Variants in MAP3K2 observed in about 807,000 individuals in gnomAD.
MAP3K2 encodes MAP/ERK kinase kinase 2.
A neutral mutation model predicts 80.3 loss-of-function variants in MAP3K2; 24 were observed. The ratio of observed to expected loss-of-function variants is 0.30; its 90% confidence interval spans 0.22 to 0.42. The LOEUF (loss-of-function observed/expected upper bound fraction) is 0.42, where lower values mean the gene tolerates loss of function less well. Ranked by LOEUF, MAP3K2 falls within the 10% of genes least tolerant of loss-of-function variation. The pLI is 1.00. For synonymous variants in MAP3K2, 244 were observed against 253.7 expected (o/e 0.96, Z 0.36); for missense variants, 608 against 750.1 (o/e 0.81, Z 2.21).
At chr2:127,359,738 TAA>T (rs1292358661) in intron 1 of MAP3K2, among the ~76,000 whole-genome samples, 3 of 152,090 alleles carry the variant, frequency 2.0e-5, no homozygotes, top group African/African-American at 7.2e-5. Context: ...TCTGGACGTT[TAA>T]AAGTGTGCGG....
intron 1 of MAP3K2, among the ~76,000 whole-genome samples, chr2:127,374,977 T>C (rs536575901): frequency 6.6e-6 from 1 of 152,332 alleles, no homozygotes. Flanking sequence ...ACAAGCCTTA[T>C]TTACCCTTAA....
intron 1 of MAP3K2, among the ~76,000 whole-genome samples, chr2:127,353,470 C>A (rs879890332): frequency 5.5e-4 from 84 of 152,028 alleles, no homozygotes; most frequent in Non-Finnish European, 9.0e-4. Flanking sequence ...CAGCAGCCGT[C>A]CTGTCTGAGA....
At chr2:127,383,330 T>A (rs1380358617) in intron 1 of MAP3K2, among the ~76,000 whole-genome samples, 1 of 152,186 alleles carries the variant, frequency 6.6e-6, no homozygotes, top group African/African-American at 2.4e-5. Context: ...TATGGGATGT[T>A]TTTCCGTTTG....
At chr2:127,341,513 A>G (rs781501450) in intron 2 of MAP3K2, among the ~76,000 whole-genome samples, 2 of 61,868 alleles carry the variant, frequency 3.2e-5, no homozygotes, top group Non-Finnish European at 6.8e-5. Context: ...GGTAAGTACA[A>G]TGGGTTTTTT....
Position 127,387,752 on chromosome 2 carries a change from C to G in MAP3K2, c.-366G>C, listed in dbSNP as rs1687397566. On this transcript the variant is annotated 5_prime_UTR_variant, in exon 1 of 17. Coordinates refer to ENST00000682094, the MANE Select transcript of MAP3K2 (RefSeq NM_001371910.2). ...GCTGCAACCCCGAGGCCCGCGGGAACTGGGCAGGAAAGGAGGAAGCCGCGG... is the reference window on the plus strand; with the variant it reads ...GCTGCAACCCCGAGGCCCGCGGGAAGTGGGCAGGAAAGGAGGAAGCCGCGG... 2.0e-6 allele frequency: 2 copies of G among 984,990 alleles called. No individual in the cohort carries two copies. Among genetic ancestry groups the G allele is most frequent in the East Asian group, 1.1e-4 (1 of 8,768 alleles). The allele number at this position is 984,990 out of a possible 1,614,324, so 61.0% of individuals were successfully genotyped here.
rs1378071005 is a variant in MAP3K2, at chr2:127,307,313, G to A, written c.*266C>T. 4.6e-6 allele frequency: 1 copy of A among 218,022 alleles called. No individual in the cohort carries two copies. Among genetic ancestry groups the A allele is most frequent in the Non-Finnish European group, 9.0e-6 (1 of 111,596 alleles). 13.5% of individuals were successfully genotyped at this position (218,022 alleles called of 1,614,324 possible). On this transcript the variant is annotated 3_prime_UTR_variant, in exon 17 of 17. Coordinates refer to ENST00000682094, the MANE Select transcript of MAP3K2 (RefSeq NM_001371910.2). The surrounding 1 kb of genome is among the most constrained non-coding windows in gnomAD (Gnocchi z 5.4). ...AAAAAGAGTGACTATGTACTAAAGT[G>A]CTTTATCTCTCTGAACCACATCAGT...
At chr2:127,326,054 C>T (rs1195044721) in intron 8 of MAP3K2, among the ~76,000 whole-genome samples, 9 of 152,044 alleles carry the variant, frequency 5.9e-5, no homozygotes, top group Admixed American at 1.3e-4. Context: ...AAGCAAGCCA[C>T]GACTTCAAAA....
At chr2:127,373,513 C>T (rs1687100433) in intron 1 of MAP3K2, among the ~76,000 whole-genome samples, 2 of 152,194 alleles carry the variant, frequency 1.3e-5, no homozygotes, top group Admixed American at 1.3e-4. Flanking sequence ...AACTTGTTTT[C>T]TATCTTAAAA....
intron 1 of MAP3K2, among the ~76,000 whole-genome samples, chr2:127,350,462 AAAAAAAAAAG>A (rs1450478300): frequency 1.3e-5 from 2 of 151,016 alleles, no homozygotes; most frequent in Non-Finnish European, 1.5e-5. Flanking sequence ...AACAAAAAAA[AAAAAAAAAAG>A]AAAGAAGAAA....
chr2:127,366,115 C>T (rs186914382), intron 1 of MAP3K2, among the ~76,000 whole-genome samples: 17 of 152,310 alleles, frequency 1.1e-4, no homozygotes, highest in Admixed American at 3.3e-4. Flanking sequence ...AAGTAACCCT[C>T]ATTCCAAAAA....
intron 7 of MAP3K2, 139 bp downstream of exon 7, chr2:127,329,782 G>T: frequency 1.7e-6 from 1 of 587,078 alleles, no homozygotes; most frequent in African/African-American, 1.9e-5. Flanking sequence ...AAATATTAGA[G>T]TGTATTTAAA....
chr2:127,340,099 AAATT>A (rs1378874366), intron 2 of MAP3K2, among the ~76,000 whole-genome samples: 3 of 152,188 alleles, frequency 2.0e-5, no homozygotes, highest in Non-Finnish European at 4.4e-5. Context: ...TTTTGTAGTG[AAATT>A]ATTTGCATAT....
rs1214102415 is a variant in MAP3K2, at chr2:127,307,157, T to C, written c.*422A>G. The C allele has an allele frequency of 6.5e-6, 1 of 153,086 alleles. No individual in the cohort carries two copies. Among genetic ancestry groups the C allele is most frequent in the East Asian group, 1.9e-4 (1 of 5,202 alleles). The allele number at this position is 153,086 out of a possible 1,614,324, so 9.5% of individuals were successfully genotyped here. A position where few individuals can be genotyped will look rare whatever the true frequency, so the allele number is the denominator to read the frequency against. On this transcript the variant is annotated 3_prime_UTR_variant, in exon 17 of 17. Coordinates refer to ENST00000682094, the MANE Select transcript of MAP3K2 (RefSeq NM_001371910.2). This position sits in a 1 kb window ranked among gnomAD's most constrained non-coding sequence, Gnocchi z 5.4. ...AAATGAGGATATATTTTAAATACTA[T>C]CACTAAAAACTACAAATTATACATC...
In MAP3K2 at chr2:127,303,281, A is replaced by G. The variant is rs1685631906; in HGVS notation, c.*4298T>C. The G allele has an allele frequency of 2.0e-5, 3 of 151,854 alleles. No individual in the cohort carries two copies. The South Asian group carries it at 6.2e-4, about 31-fold the overall frequency. 9.4% of individuals were successfully genotyped at this position (151,854 alleles called of 1,614,324 possible). ...ATCAAATGTTTTGGGTATTTTCACA[A>G]TTTAGACCAAAATAAAGTATGTTTT... On this transcript the variant is annotated 3_prime_UTR_variant, in exon 17 of 17. Coordinates refer to ENST00000682094, the MANE Select transcript of MAP3K2 (RefSeq NM_001371910.2).
At chr2:127,381,360 A>G (rs1461811386) in intron 1 of MAP3K2, among the ~76,000 whole-genome samples, 3 of 152,248 alleles carry the variant, frequency 2.0e-5, no homozygotes, top group Admixed American at 1.3e-4. Context: ...GCACTTCTTA[A>G]GAGTACAGAA....
chr2:127,349,841 T>C (rs1215243856), intron 1 of MAP3K2, among the ~76,000 whole-genome samples: 1 of 152,136 alleles, frequency 6.6e-6, no homozygotes, highest in Non-Finnish European at 1.5e-5. Context: ...TCTCTTTCAA[T>C]AAAAATTTAA....
At chr2:127,365,926 A>C (rs1479274469) in intron 1 of MAP3K2, among the ~76,000 whole-genome samples, 1 of 152,180 alleles carries the variant, frequency 6.6e-6, no homozygotes, top group Non-Finnish European at 1.5e-5. Flanking sequence ...TTGAGCCCTT[A>C]AATGATTCAA....
intron 14 of MAP3K2, among the ~76,000 whole-genome samples, chr2:127,316,465 C>T (rs1685907173): frequency 6.6e-6 from 1 of 152,100 alleles, no homozygotes; most frequent in South Asian, 2.1e-4. Flanking sequence ...ACTAGATGTA[C>T]TCTATATAAT....
chr2:127,343,113 A>C lies in MAP3K2; in HGVS notation c.4+13T>G. 6.4e-7 allele frequency: 1 copy of C among 1,551,536 alleles called. No homozygotes were observed. The highest frequency in any genetic ancestry group is 8.7e-7 in the Non-Finnish European group (1 of 1,145,596). On this transcript the variant is annotated intron_variant, in intron 2 of 16. Coordinates refer to ENST00000682094, the MANE Select transcript of MAP3K2 (RefSeq NM_001371910.2). ...TTAATTATTGCTGAAAAATGCTTTTAGTTTGAACTCACCCATTATGGCAAA... is the reference window on the plus strand; with the variant it reads ...TTAATTATTGCTGAAAAATGCTTTTCGTTTGAACTCACCCATTATGGCAAA...
Sources: gnomAD v4.1 joint callset for allele counts (sites outside exome capture counted in the v4.1 genomes callset) on GRCh38, gnomAD v4.1.1 for gene constraint, Gnocchi (gnomAD v3.1) non-coding constraint, MANE v1.5 for transcripts, NCBI Gene and HGNC (gene_info 2026-07-23, HGNC 2026-07-21) for gene names.